Variants in KMT2C observed in about 807,000 individuals in gnomAD.
KMT2C encodes lysine methyltransferase 2C.
Under a neutral mutation model 507.9 loss-of-function variants are expected in KMT2C, and 88 were observed. The ratio of observed to expected loss-of-function variants is 0.17; its 90% CI spans 0.15 to 0.21. The LOEUF (loss-of-function observed/expected upper bound fraction) is 0.21. Among genes scored for constraint, KMT2C ranks in the 10% least tolerant of loss-of-function variants. The pLI is 1.00. For missense variants in KMT2C, 4,954 were observed against 5,957.8 expected, an observed-to-expected ratio of 0.83 and a Z score of 5.55; for synonymous variants, 2,049 against 2,080.8, an observed-to-expected ratio of 0.98 and a Z score of 0.42.
At chr7:152,198,817 T>C (rs1373791169) in intron 27 of KMT2C, among the ~76,000 whole-genome samples, 1 of 152,146 alleles carries the variant, frequency 6.6e-6, no homozygotes, top group East Asian at 1.9e-4. Context: ...AAAGAATTAC[T>C]GGTGCAAACT....
intron 9 of KMT2C, 125 bp from the exon 10 acceptor site, chr7:152,252,840 C>T: frequency 1.5e-6 from 1 of 682,442 alleles, no homozygotes; most frequent in South Asian, 2.2e-5. Flanking sequence ...ATTTTCATGA[C>T]ACTAATTTAG....
intron 6 of KMT2C, among the ~76,000 whole-genome samples, chr7:152,283,087 T>C (rs1429045031): frequency 6.6e-6 from 1 of 152,274 alleles, no homozygotes; most frequent in Non-Finnish European, 1.5e-5. Context: ...GAATGCGCCA[T>C]AAAGCTAATT....
rs2092497786 is a variant in KMT2C at position 152,162,306 on chromosome 7, C to T, written c.11271G>A (p.Gln3757=). ...GGGCCCCAGCAGAATGGGGAGGACT[C>T]TGTGCTGAGGAGACAGGACAGGCTA... ...NAVACPVSSA[Q]SPPHSAGAPA... The change falls in exon 43 of 59, where the codon CAG becomes CAA. Residue 3757 remains glutamine, a synonymous_variant. Transcript: ENST00000262189. 6.2e-7 allele frequency: 1 copy of T among 1,614,218 alleles called. No individual in the cohort carries two copies. The highest frequency in any genetic ancestry group is 8.5e-7 in the Non-Finnish European group (1 of 1,180,040).
At chr7:152,307,278 AAAGG>A (rs35363127) in intron 6 of KMT2C, among the ~76,000 whole-genome samples, 3,920 of 107,368 alleles carry the variant, frequency 0.037, 111 homozygotes, top group African/African-American at 0.076. Flanking sequence ...AGGAAGAAAG[AAAGG>A]AAGGAAGGAA....
intron 55 of KMT2C, among the ~76,000 whole-genome samples, chr7:152,140,584 G>C (rs1280740516): frequency 2.0e-5 from 3 of 152,128 alleles, no homozygotes; most frequent in African/African-American, 7.2e-5. Context: ...TGACTAGAAG[G>C]CAACTGAATG....
At chr7:152,255,134 T>TATATAC (rs1254605153) in intron 9 of KMT2C, among the ~76,000 whole-genome samples, 1 of 124,490 alleles carries the variant, frequency 8.0e-6, no homozygotes, top group Non-Finnish European at 1.6e-5. Flanking sequence ...TATATATATA[T>TATATAC]ATATATATAT....
intron 1 of KMT2C, among the ~76,000 whole-genome samples, chr7:152,428,562 C>A (rs1311043200): frequency 2.7e-5 from 4 of 145,982 alleles, no homozygotes; most frequent in Non-Finnish European, 6.0e-5. Flanking sequence ...ACCCGGGAGG[C>A]AGAGGTTGCA....
At position 152,135,424 on chromosome 7, in the gene KMT2C, A is replaced by C. The variant is rs999309955; in HGVS notation, c.*1408T>G. ...TTTTTTTTATTAAAGAAATGTAAAC[A>C]AACAGTTCATACAAACACATTTTAA... On this transcript the variant is annotated 3_prime_UTR_variant, in exon 59 of 59. Transcript: ENST00000262189. The C allele has an allele frequency of 4.6e-6, 1 of 218,712 alleles. No homozygotes were observed. Among genetic ancestry groups the C allele is most frequent in the African/African-American group, 2.2e-5 (1 of 44,506 alleles). The allele number at this position is 218,712 out of a possible 1,614,324, so 13.5% of individuals were successfully genotyped here. A position where few individuals can be genotyped will look rare whatever the true frequency, so the allele number is the denominator to read the frequency against.
Position 152,185,538 on chromosome 7 carries a change from AG to A in KMT2C, c.5082+19del. 2.6e-6 allele frequency: 2 copies of A among 775,372 alleles called. No individual in the cohort carries two copies. The highest frequency in any genetic ancestry group is 4.7e-5 in the South Asian group (2 of 42,808). The allele number at this position is 775,372 out of a possible 1,614,324, so 48.0% of individuals were successfully genotyped here. On this transcript the variant is annotated intron_variant, in intron 34 of 58. Coordinates refer to ENST00000262189, the MANE Select transcript of KMT2C (RefSeq NM_170606.3). ...CACTGTATTTAAATATTTAAAAGATAGAGGAGTTTCTTAAAATACCACATAT... is the reference window on the plus strand; with the variant it reads ...CACTGTATTTAAATATTTAAAAGATAAGGAGTTTCTTAAAATACCACATAT...
intron 55 of KMT2C, among the ~76,000 whole-genome samples, chr7:152,141,751 G>T (rs2090583461): frequency 6.6e-6 from 1 of 151,124 alleles, no homozygotes; most frequent in African/African-American, 2.4e-5. Context: ...AGCCACGGGG[G>T]CTCATGCCTG....
chr7:152,390,677 T>C (rs1332026828), intron 1 of KMT2C, among the ~76,000 whole-genome samples: 2 of 152,098 alleles, frequency 1.3e-5, no homozygotes, highest in Non-Finnish European at 2.9e-5. Flanking sequence ...GTCATACAAC[T>C]AAGAAATGAA....
rs752041568 is a variant in KMT2C at position 152,176,704 on chromosome 7, C to G, written c.8749G>C (p.Val2917Leu). The G allele has an allele frequency of 5.6e-6, 9 of 1,614,186 alleles. No individual in the cohort carries two copies. In the South Asian group the frequency reaches 9.9e-5, roughly 18 times the overall value. The change falls in exon 38 of 59, where the codon GTT (valine) becomes CTT (leucine). Residue 2917 changes from valine (V) to leucine (L), a missense_variant. This residue lies in a region of KMT2C where 1,689 missense variants were observed against 1,654.3 expected (regional missense o/e 1.02). Transcript: ENST00000262189. Reference sequence around the variant, plus strand: ...TCATTAGCAAGTAAACTTGAGAGAACTGGAGTTGATCCAGTTATGCCACAA... The same window carrying G: ...TCATTAGCAAGTAAACTTGAGAGAAGTGGAGTTGATCCAGTTATGCCACAA... ...NSCGITGSTP[V>L]LSSLLANEKS...
At chr7:152,187,189 G>C in intron 33 of KMT2C, 73 bp downstream of exon 33, 1 of 1,183,620 alleles carries the variant, frequency 8.4e-7, no homozygotes, top group East Asian at 2.3e-5. Flanking sequence ...CCTTTCTATT[G>C]CAGTTAAAAA....
chr7:152,161,113 T>C (rs532518976), intron 43 of KMT2C, among the ~76,000 whole-genome samples: 17 of 152,154 alleles, frequency 1.1e-4, no homozygotes, highest in Non-Finnish European at 2.1e-4. Flanking sequence ...TTGGAGAAAG[T>C]GGATGGAGAC....
chr7:152,212,041 C>CTGT (rs2094466778), intron 23 of KMT2C, among the ~76,000 whole-genome samples: 1 of 151,954 alleles, frequency 6.6e-6, no homozygotes, highest in Non-Finnish European at 1.5e-5. Flanking sequence ...AAGCAAGACT[C>CTGT]CATCGAAAGA....
intron 1 of KMT2C, among the ~76,000 whole-genome samples, chr7:152,401,358 G>T (rs892143288): frequency 1.3e-5 from 2 of 151,876 alleles, no homozygotes; most frequent in African/African-American, 4.8e-5. Context: ...GGGATTACAG[G>T]TGTGAGCCAC....
At chr7:152,255,120 T>TATAC (rs978828578) in intron 9 of KMT2C, among the ~76,000 whole-genome samples, 3 of 103,024 alleles carry the variant, frequency 2.9e-5, no homozygotes, top group Admixed American at 9.5e-5. Flanking sequence ...TATATATATA[T>TATAC]ATATATATAT....
intron 2 of KMT2C, among the ~76,000 whole-genome samples, chr7:152,341,705 A>T (rs1303753820): frequency 6.6e-6 from 1 of 152,208 alleles, no homozygotes; most frequent in Non-Finnish European, 1.5e-5. Context: ...TCCAAAGAAA[A>T]ACCTGATACT....
In KMT2C at chr7:152,162,219, T is replaced by C. The variant is rs140231760; in HGVS notation, c.11358A>G (p.Ser3786=). 17 of 1,613,998 alleles carry C rather than the reference T, an allele frequency of 1.1e-5. No individual in the cohort carries two copies. Among genetic ancestry groups the C allele is most frequent in the African/African-American group, 4.0e-5 (3 of 74,936 alleles). The change falls in exon 43 of 59, where the codon TCA becomes TCG. Residue 3786 remains serine (S), a synonymous_variant. Coordinates refer to ENST00000262189, the MANE Select transcript of KMT2C (RefSeq NM_170606.3). ...LLKHLLKNKK[S]SSLLNQKPEG... is the part of the protein sequence containing the mutation. ...CAGGTTTTTGATTCAAAAGAGAAGA[T>C]GACTTTTTATTTTTCAACAAGTGTT...
Sources: allele counts gnomAD v4.1 joint callset (sites outside exome capture counted in the v4.1 genomes callset), GRCh38; gene constraint gnomAD v4.1.1; regional missense constraint gnomAD v4.1.1; transcripts MANE v1.5; gene names NCBI Gene and HGNC (gene_info 2026-07-23, HGNC 2026-07-21).